Variants in LONRF1 observed in about 807,000 individuals in gnomAD.
LONRF1 encodes LON peptidase N-terminal domain and RING finger protein 1.
In LONRF1, 37 loss-of-function variants were observed where a neutral mutation model predicts 85.8. That is an observed-to-expected ratio of 0.43 (90% CI 0.33 to 0.57). The LOEUF is 0.57. Among genes scored for constraint, LONRF1 ranks in the 20% least tolerant of loss-of-function variants. The probability of loss-of-function intolerance (pLI) is 0.04; values close to 1 mark genes in which losing one functional copy is unlikely to be tolerated. For synonymous variants in LONRF1, 517 were observed against 390.1 expected, an observed-to-expected ratio of 1.33 and a Z score of -3.83; for missense variants, 1,036 against 978.0, an observed-to-expected ratio of 1.06 and a Z score of -0.79.
At position 12,755,338 on chromosome 8, in the gene LONRF1, C is replaced by G; in HGVS notation, c.83G>C (p.Trp28Ser). 1 of 1,248,932 alleles carries G rather than the reference C, an allele frequency of 8.0e-7. No individual in the cohort carries two copies. The highest frequency in any genetic ancestry group is 1.0e-6 in the Non-Finnish European group (1 of 992,704). The allele number at this position is 1,248,932 out of a possible 1,614,324, so 77.4% of individuals were successfully genotyped here. A position where few individuals can be genotyped will look rare whatever the true frequency, so the allele number is the denominator to read the frequency against. ...APAPQGRGRF[W>S]EVGGGSGHRL... ...ATGGCCGCTGCCGCCGCCCACTTCC[C>G]AGAACCGGCCTCGGCCCTGCGGCGC... The change falls in exon 1 of 12, where the codon TGG becomes TCG. Residue 28 changes from tryptophan (W) to serine (S), a missense_variant. Trp to Ser is a radical substitution (Grantham distance 177). Coordinates refer to ENST00000398246, the MANE Select transcript of LONRF1 (RefSeq NM_152271.5).
At chr8:12,732,687 C>A (rs1392330431) in intron 7 of LONRF1, among the ~76,000 whole-genome samples, 1 of 152,130 alleles carries the variant, frequency 6.6e-6, no homozygotes, top group African/African-American at 2.4e-5. Context: ...CTCCCAAGAA[C>A]CCATATTTTA....
intron 3 of LONRF1, among the ~76,000 whole-genome samples, chr8:12,740,583 C>T (rs553900693): frequency 2.0e-5 from 3 of 152,186 alleles, no homozygotes; most frequent in South Asian, 2.1e-4. Context: ...GCAGGAACAT[C>T]GTGATAGTAA....
intron 6 of LONRF1, 31 bp from the exon 7 acceptor site, chr8:12,735,431 C>T (rs914342775): frequency 2.2e-6 from 3 of 1,350,892 alleles, no homozygotes; most frequent in Non-Finnish European, 1.0e-6. Context: ...TGTTAGTTTT[C>T]ACATTAAACT....
At chr8:12,746,945 C>T (rs367765942) in intron 1 of LONRF1, among the ~76,000 whole-genome samples, 12 of 152,112 alleles carry the variant, frequency 7.9e-5, no homozygotes, top group East Asian at 5.8e-4. Flanking sequence ...GAAAGCATGG[C>T]GTGTTTGCTA....
At chr8:12,752,961 T>A (rs1370221351) in intron 1 of LONRF1, 3 of 152,246 alleles carry the variant, frequency 2.0e-5, no homozygotes, top group Non-Finnish European at 2.9e-5. Flanking sequence ...CTCTACCAGT[T>A]AACAGTGTGA....
chr8:12,748,210 T>A (rs1385978272), intron 1 of LONRF1, among the ~76,000 whole-genome samples: 1 of 152,168 alleles, frequency 6.6e-6, no homozygotes, highest in East Asian at 1.9e-4. Flanking sequence ...TGTACTTTAT[T>A]TATTTGAGAA....
At chr8:12,749,996 T>C (rs1334420207) in intron 1 of LONRF1, among the ~76,000 whole-genome samples, 1 of 152,236 alleles carries the variant, frequency 6.6e-6, no homozygotes, top group Non-Finnish European at 1.5e-5. Context: ...ATAGTAAGAA[T>C]ATTTTAGATT....
At chr8:12,748,088 A>T (rs1799236034) in intron 1 of LONRF1, among the ~76,000 whole-genome samples, 3 of 152,324 alleles carry the variant, frequency 2.0e-5, no homozygotes, top group Admixed American at 2.0e-4. Flanking sequence ...CTCTGCAATT[A>T]AGTTACTTCC....
intron 1 of LONRF1, among the ~76,000 whole-genome samples, chr8:12,748,919 T>C (rs555705215): frequency 2.0e-5 from 3 of 152,092 alleles, no homozygotes; most frequent in South Asian, 2.1e-4. Flanking sequence ...ATTAAGAATG[T>C]TCAGGAGTAG....
intron 1 of LONRF1, among the ~76,000 whole-genome samples, chr8:12,751,670 A>AC (rs914076868): frequency 7.6e-5 from 11 of 144,958 alleles, no homozygotes; most frequent in East Asian, 3.9e-4. Flanking sequence ...ACAAAATATC[A>AC]CCCCCCCACC....
chr8:12,728,845 C>T, intron 10 of LONRF1, 56 bp downstream of exon 10: 5 of 1,599,456 alleles, frequency 3.1e-6, no homozygotes, highest in Non-Finnish European at 3.4e-6. Flanking sequence ...CATGCCTGTA[C>T]CAATCCCTGG....
intron 1 of LONRF1, among the ~76,000 whole-genome samples, chr8:12,747,460 C>T (rs936200331): frequency 5.3e-5 from 8 of 152,062 alleles, no homozygotes; most frequent in Admixed American, 2.6e-4. Flanking sequence ...CTATCTTTTA[C>T]CCATCACAAA....
intron 1 of LONRF1, among the ~76,000 whole-genome samples, chr8:12,751,703 T>A (rs961982219): frequency 1.3e-5 from 2 of 151,364 alleles, no homozygotes; most frequent in Non-Finnish European, 2.9e-5. Context: ...TTTTTTTTTT[T>A]AACCTGTACA....
chr8:12,738,927 T>C (rs1229205727), intron 3 of LONRF1, among the ~76,000 whole-genome samples: 1 of 152,116 alleles, frequency 6.6e-6, no homozygotes, highest in African/African-American at 2.4e-5. Flanking sequence ...ATCTTTCAAA[T>C]ACACAAAAAT....
intron 8 of LONRF1, 29 bp downstream of exon 8, chr8:12,731,707 C>T (rs766647380): frequency 5.8e-5 from 93 of 1,594,722 alleles, no homozygotes; most frequent in Non-Finnish European, 7.8e-5. Context: ...GGTAGTAGTT[C>T]ATAATTTTTT....
rs1306684601 is a variant in LONRF1, at chr8:12,755,474, C to T, written c.-54G>A. 3.0e-6 allele frequency: 3 copies of T among 1,006,482 alleles called. No homozygotes were observed. The highest frequency in any genetic ancestry group is 5.5e-5 in the Admixed American group (1 of 18,310). 62.3% of individuals were successfully genotyped at this position (1,006,482 alleles called of 1,614,324 possible). A position where few individuals can be genotyped will look rare whatever the true frequency, so the allele number is the denominator to read the frequency against. On this transcript the variant is annotated 5_prime_UTR_variant, in exon 1 of 12. Coordinates refer to ENST00000398246, the MANE Select transcript of LONRF1 (RefSeq NM_152271.5). ...CCGCCGCCACGGTCCCGGAGCCTCCCGGGCGCGCGGCTCCGCACGCGGCCC... is the reference window on the plus strand; with the variant it reads ...CCGCCGCCACGGTCCCGGAGCCTCCTGGGCGCGCGGCTCCGCACGCGGCCC...
intron 1 of LONRF1, among the ~76,000 whole-genome samples, chr8:12,749,220 T>C (rs1351825459): frequency 1.3e-5 from 2 of 152,060 alleles, no homozygotes; most frequent in Non-Finnish European, 2.9e-5. Context: ...AGAAGAGTAT[T>C]TTCTACCTTG....
At chr8:12,736,679 C>T (rs1274571577) in intron 6 of LONRF1, 22 bp downstream of exon 6, 2 of 1,493,736 alleles carry the variant, frequency 1.3e-6, no homozygotes, top group Admixed American at 3.8e-5. Context: ...TATTCATCTT[C>T]TATAAAGTTT....
chr8:12,729,393 C>T (rs1366175482), intron 8 of LONRF1, 61 bp from the exon 9 acceptor site: 1 of 1,513,154 alleles, frequency 6.6e-7, no homozygotes, highest in Non-Finnish European at 9.1e-7. Flanking sequence ...CGAACACATA[C>T]AAAAAATGAG....
Sources: gnomAD v4.1 joint callset for allele counts (sites outside exome capture counted in the v4.1 genomes callset) on GRCh38, gnomAD v4.1.1 for gene constraint, MANE v1.5 for transcripts, NCBI Gene and HGNC (gene_info 2026-07-23, HGNC 2026-07-21) for gene names.